SPRY3: variants seen among roughly 807,000 people sequenced by gnomAD.
SPRY3 encodes protein sprouty homolog 3.
A neutral mutation model predicts 20.2 loss-of-function variants in SPRY3; 15 were observed. The observed-to-expected ratio is 0.74, with a 90% CI of 0.50 to 1.14. SPRY3 has a LOEUF of 1.14. Ranked by LOEUF, SPRY3 falls within the 50% of genes most tolerant of loss-of-function variation. SPRY3 has a pLI of 0.00. For missense variants in SPRY3, 364 were observed against 363.9 expected (o/e 1.00, Z 0.00); for synonymous variants, 143 against 136.5 (o/e 1.05, Z -0.33).
At chrX:155,641,790 A>G (rs1016649713) in intron 1 of SPRY3, among the ~76,000 whole-genome samples, 3 of 115,020 alleles carry the variant, frequency 2.6e-5, no homozygotes, top group Non-Finnish European at 5.6e-5. Flanking sequence ...AATTGGGAGC[A>G]TAGATAAGGT....
At chrX:155,623,747 T>C (rs781975119) in intron 1 of SPRY3, among the ~76,000 whole-genome samples, 1 of 112,512 alleles carries the variant, frequency 8.9e-6, no homozygotes, top group African/African-American at 3.2e-5. Flanking sequence ...TTATTTTCTT[T>C]CCACTTGCTC....
chrX:155,677,014 A>G (rs1417873925), intron 2 of SPRY3, among the ~76,000 whole-genome samples: 1 of 111,288 alleles, frequency 9.0e-6, no homozygotes, highest in Non-Finnish European at 1.9e-5. Flanking sequence ...CCATTTCCAG[A>G]TGTATTCTTT....
intron 3 of SPRY3, among the ~76,000 whole-genome samples, chrX:155,769,219 CTAGA>C (rs2091366373): frequency 1.3e-5 from 2 of 152,100 alleles, no homozygotes; most frequent in Admixed American, 1.3e-4. Flanking sequence ...GTGAAACAGT[CTAGA>C]TAGTGATCTG....
At chrX:155,698,689 G>C (rs2068126678) in intron 2 of SPRY3, among the ~76,000 whole-genome samples, 1 of 112,005 alleles carries the variant, frequency 8.9e-6, no homozygotes, top group African/African-American at 3.2e-5. Flanking sequence ...GAAGTAGGGA[G>C]TAATGGATGC....
intron 2 of SPRY3, among the ~76,000 whole-genome samples, chrX:155,767,580 AAGAAGG>A: frequency 6.8e-6 from 1 of 147,902 alleles, no homozygotes; most frequent in African/African-American, 2.5e-5. Flanking sequence ...GTAAAGGAGG[AAGAAGG>A]GGAGGAGGGA....
At chrX:155,774,931 C>T in exon 4 of SPRY3, 1 of 655,242 alleles carries the variant, frequency 1.5e-6, no homozygotes, top group Non-Finnish European at 2.7e-6. Context: ...AGTATCTATC[C>T]CACTCCTCTT....
At chrX:155,707,163 A>G (rs2090957587) in intron 2 of SPRY3, among the ~76,000 whole-genome samples, 1 of 151,208 alleles carries the variant, frequency 6.6e-6, no homozygotes. Flanking sequence ...CTTAAGGGGC[A>G]TACCATAAAT....
intron 3 of SPRY3, among the ~76,000 whole-genome samples, chrX:155,768,650 G>T (rs306885): frequency 0.53 from 80,066 of 151,874 alleles, 21,659 homozygotes; most frequent in East Asian, 0.8. Context: ...TGACACGGCA[G>T]AACCCCCCAC....
exon 4 of SPRY3, chrX:155,775,096 C>T (rs1175426939): frequency 6.3e-6 from 2 of 315,872 alleles, no homozygotes; most frequent in Admixed American, 4.5e-5. Flanking sequence ...AGGCTCTGAT[C>T]GTCACTCTGT....
intron 1 of SPRY3, among the ~76,000 whole-genome samples, chrX:155,645,275 G>C (rs782215751): frequency 1.8e-5 from 2 of 112,009 alleles, no homozygotes; most frequent in African/African-American, 6.5e-5. Context: ...GGCACAAACT[G>C]TACTGCCTCA....
chrX:155,638,293 AATATATATATATATATATATATAT>A (rs55937159), intron 1 of SPRY3, among the ~76,000 whole-genome samples: 5 of 53,438 alleles, frequency 9.4e-5, no homozygotes, highest in African/African-American at 3.9e-4. Flanking sequence ...TGCCTCCTCT[AATATATATATATATATATATATAT>A]ATATATATAT....
intron 1 of SPRY3, among the ~76,000 whole-genome samples, chrX:155,654,218 T>G (rs1348420272): frequency 1.8e-5 from 2 of 112,198 alleles, no homozygotes; most frequent in African/African-American, 6.5e-5. Context: ...ATTGGCAATC[T>G]TTTTTTGAAT....
chrX:155,707,827 G>A (rs2090961784), intron 2 of SPRY3, among the ~76,000 whole-genome samples: 1 of 151,010 alleles, frequency 6.6e-6, no homozygotes, highest in African/African-American at 2.4e-5. Context: ...TATGTCTCCA[G>A]CAAATAGCAT....
intron 2 of SPRY3, among the ~76,000 whole-genome samples, chrX:155,666,361 A>T (rs1326439869): frequency 8.9e-6 from 1 of 111,833 alleles, no homozygotes; most frequent in Non-Finnish European, 1.9e-5. Flanking sequence ...AATTAACCTG[A>T]ATTTGATGGA....
downstream of SPRY3, chrX:155,779,411 T>G (rs1284099151): frequency 6.0e-6 from 1 of 167,082 alleles, no homozygotes; most frequent in Non-Finnish European, 1.5e-5. Flanking sequence ...ATTGTGGCTC[T>G]TAGAACTGTA....
chrX:155,774,233 T>G, exon 4 of SPRY3: 1 of 1,613,868 alleles, frequency 6.2e-7, no homozygotes, highest in Non-Finnish European at 8.5e-7. Flanking sequence ...GGAGCAGGGG[T>G]CCACCCAAAG....
intron 1 of SPRY3, among the ~76,000 whole-genome samples, chrX:155,655,745 G>T (rs782628457): frequency 1.3e-3 from 149 of 111,616 alleles, no homozygotes; most frequent in Middle Eastern, 9.2e-3. Flanking sequence ...ACTGGTACCG[G>T]TTTTTCCTTT....
intron 2 of SPRY3, among the ~76,000 whole-genome samples, chrX:155,764,986 A>G (rs2091318951): frequency 6.6e-6 from 1 of 152,154 alleles, no homozygotes; most frequent in Non-Finnish European, 1.5e-5. Flanking sequence ...CATAGACAGC[A>G]CCTTCTCACT....
chrX:155,685,847 AACCTCC>A (rs1383877284), intron 2 of SPRY3, among the ~76,000 whole-genome samples: 5 of 111,151 alleles, frequency 4.5e-5, no homozygotes, highest in African/African-American at 1.6e-4. Context: ...AGCTGACTGC[AACCTCC>A]ACCTCCTGGG....
Sources: allele counts gnomAD v4.1 joint callset (sites outside exome capture counted in the v4.1 genomes callset), GRCh38; gene constraint gnomAD v4.1.1; transcripts MANE v1.5; gene names NCBI Gene and HGNC (gene_info 2026-07-23, HGNC 2026-07-21).